Variants in TRMT9B observed in about 807,000 individuals in gnomAD.
TRMT9B encodes tRNA methyltransferase 9B (putative).
Under a neutral mutation model 11.5 loss-of-function variants are expected in TRMT9B, and 16 were observed. That is an observed-to-expected ratio of 1.39 (90% CI 0.94 to 2.11). The LOEUF is 2.11. Ranked by LOEUF, TRMT9B falls within the 30% of genes most tolerant of loss-of-function variation. The pLI, the probability that TRMT9B is intolerant of heterozygous loss-of-function variation, is 0.00. For missense variants in TRMT9B, 941 were observed against 553.8 expected (o/e 1.70, Z -7.02); for synonymous variants, 274 against 192.4 (o/e 1.42, Z -3.51).
In TRMT9B at chr8:12,990,835, G is replaced by C. The variant is rs904608513; in HGVS notation, c.-198G>C. ...TAGTATTTGTTTTCTTCCTGATAGGGCCTGTGCTTCCTTCAGAGACTCACA... is the reference window on the plus strand; with the variant it reads ...TAGTATTTGTTTTCTTCCTGATAGGCCCTGTGCTTCCTTCAGAGACTCACA... On this transcript the variant is annotated splice_region_variant and 5_prime_UTR_variant, in exon 2 of 5. Transcript: ENST00000524591. 1 of 1,288,698 alleles carries C rather than the reference G, an allele frequency of 7.8e-7. No homozygotes were observed. Among genetic ancestry groups the C allele is most frequent in the Non-Finnish European group, 1.0e-6 (1 of 987,908 alleles). 79.8% of individuals were successfully genotyped at this position (1,288,698 alleles called of 1,614,324 possible).
At chr8:12,948,015 C>T (rs4831850) in intron 1 of TRMT9B, among the ~76,000 whole-genome samples, 4,776 of 152,264 alleles carry the variant, frequency 0.031, 115 homozygotes, top group Middle Eastern at 0.061. Context: ...ACTGAGTTAA[C>T]TGAGAAAGGT....
chr8:13,008,878 G>A (rs1157956716), intron 3 of TRMT9B, among the ~76,000 whole-genome samples: 2 of 152,068 alleles, frequency 1.3e-5, no homozygotes, highest in African/African-American at 2.4e-5. Context: ...ACAGTTGCCC[G>A]CCACCACGCC....
At chr8:13,005,518 C>T (rs988195248) in intron 2 of TRMT9B, among the ~76,000 whole-genome samples, 5 of 152,106 alleles carry the variant, frequency 3.3e-5, no homozygotes, top group African/African-American at 1.2e-4. Context: ...CCTTGCATGC[C>T]TGTATCAAAA....
rs1339500724 is a variant in TRMT9B, at chr8:13,025,894, T to C, written c.*3850T>C. On this transcript the variant is annotated 3_prime_UTR_variant, in exon 5 of 5. Coordinates refer to ENST00000524591, the MANE Select transcript of TRMT9B (RefSeq NM_020844.3). ...GTCTTTTAAGTGACCATCAATTCAA[T>C]AGGCAAAAATTTGGAGTAATCCAGA... 1 of 166,754 alleles carries C rather than the reference T, an allele frequency of 6.0e-6. No homozygotes were observed. Among genetic ancestry groups the C allele is most frequent in the Non-Finnish European group, 1.5e-5 (1 of 68,116 alleles). The allele number at this position is 166,754 out of a possible 1,614,324, so 10.3% of individuals were successfully genotyped here.
chr8:13,014,864 C>T (rs1174845185), intron 4 of TRMT9B, among the ~76,000 whole-genome samples: 1 of 151,950 alleles, frequency 6.6e-6, no homozygotes, highest in East Asian at 1.9e-4. Flanking sequence ...AGTTCAAGAC[C>T]AGCCTGGCCA....
Position 13,023,878 on chromosome 8 carries a change from G to A in TRMT9B, c.*1834G>A, listed in dbSNP as rs117246518. 9.1e-3 allele frequency: 1,523 copies of A among 166,842 alleles called. 12 individuals carry two copies. The highest frequency in any genetic ancestry group is 0.012 in the Non-Finnish European group (788 of 68,076). The allele number at this position is 166,842 out of a possible 1,614,324, so 10.3% of individuals were successfully genotyped here. ...GATTGATGTTTATAACTCTCTTTTG[G>A]CTTCAAAATAAGATTGTGTTATCAC... On this transcript the variant is annotated 3_prime_UTR_variant, in exon 5 of 5. Transcript: ENST00000524591.
Position 13,012,744 on chromosome 8 carries a change from A to G in TRMT9B, c.215A>G (p.Tyr72Cys). 1 of 1,614,010 alleles carries G rather than the reference A, an allele frequency of 6.2e-7. No homozygotes were observed. The highest frequency in any genetic ancestry group is 8.5e-7 in the Non-Finnish European group (1 of 1,179,880). The change falls in exon 4 of 5, where the codon TAC becomes TGC. Residue 72 changes from tyrosine to cysteine, a missense_variant. By Grantham distance (194) the Tyr-to-Cys change is radical. Transcript: ENST00000524591. ...CAGGTACATACCGTGGGCTGTGACT[A>G]CTGTGGGCCACTGGTAGAGATTGCC... ...NSQVHTVGCD[Y>C]CGPLVEIARN... is the part of the protein sequence containing the mutation.
At chr8:12,995,229 A>G (rs555739572) in intron 2 of TRMT9B, among the ~76,000 whole-genome samples, 1 of 152,356 alleles carries the variant, frequency 6.6e-6, no homozygotes, top group Admixed American at 6.5e-5. Flanking sequence ...TAGTTTCTTA[A>G]CACAAAGCTT....
intron 3 of TRMT9B, among the ~76,000 whole-genome samples, chr8:13,007,937 AC>A (rs1810797508): frequency 6.6e-6 from 1 of 152,248 alleles, no homozygotes; most frequent in Non-Finnish European, 1.5e-5. Flanking sequence ...TGATACACAT[AC>A]AAAAAGAAAT....
intron 4 of TRMT9B, among the ~76,000 whole-genome samples, chr8:13,016,140 G>T (rs1193641399): frequency 7.2e-6 from 1 of 138,080 alleles, no homozygotes; most frequent in Non-Finnish European, 1.5e-5. Context: ...ATAAATATAA[G>T]GGACCCTGTA....
intron 2 of TRMT9B, among the ~76,000 whole-genome samples, chr8:13,005,507 G>A (rs769329380): frequency 3.3e-5 from 5 of 152,022 alleles, no homozygotes; most frequent in South Asian, 2.1e-4. Flanking sequence ...TGATTATTAC[G>A]CCTTGCATGC....
chr8:12,966,390 T>G (rs2128865928), intron 1 of TRMT9B, among the ~76,000 whole-genome samples: 1 of 152,278 alleles, frequency 6.6e-6, no homozygotes, highest in South Asian at 2.1e-4. Flanking sequence ...TATAATACTT[T>G]GTCGTCTTTA....
chr8:12,996,386 T>A (rs1563387023), intron 2 of TRMT9B, among the ~76,000 whole-genome samples: 1 of 152,250 alleles, frequency 6.6e-6, no homozygotes, highest in Admixed American at 6.5e-5. Flanking sequence ...GGTTACTGGA[T>A]AATCTGGCAT....
At chr8:12,946,744 G>A (rs939221893) in intron 1 of TRMT9B, among the ~76,000 whole-genome samples, 3 of 152,208 alleles carry the variant, frequency 2.0e-5, no homozygotes, top group African/African-American at 7.2e-5. Flanking sequence ...ACAGGTGCTT[G>A]AGAAATGATG....
At chr8:12,982,571 A>G (rs1199399053) in intron 1 of TRMT9B, among the ~76,000 whole-genome samples, 1 of 152,090 alleles carries the variant, frequency 6.6e-6, no homozygotes, top group Non-Finnish European at 1.5e-5. Flanking sequence ...CTGAGATGGG[A>G]ACATCACTGG....
intron 1 of TRMT9B, among the ~76,000 whole-genome samples, chr8:12,949,743 C>G (rs180727836): frequency 6.6e-6 from 1 of 152,186 alleles, no homozygotes; most frequent in African/African-American, 2.4e-5. Context: ...AAGCTTCTAT[C>G]AACATTTTCA....
At chr8:12,996,832 C>G (rs939025944) in intron 2 of TRMT9B, among the ~76,000 whole-genome samples, 1 of 152,164 alleles carries the variant, frequency 6.6e-6, no homozygotes, top group Admixed American at 6.5e-5. Context: ...ATCAGCACCC[C>G]AGGACCACCT....
intron 2 of TRMT9B, among the ~76,000 whole-genome samples, chr8:12,993,382 G>A (rs746122648): frequency 2.0e-5 from 3 of 152,208 alleles, no homozygotes; most frequent in Non-Finnish European, 4.4e-5. Context: ...AACCAGGAAT[G>A]GCACATGTGC....
At chr8:13,014,492 T>C (rs1261134934) in intron 4 of TRMT9B, among the ~76,000 whole-genome samples, 1 of 152,036 alleles carries the variant, frequency 6.6e-6, no homozygotes, top group Non-Finnish European at 1.5e-5. Context: ...ATGAGAGAGA[T>C]AGAGCAAGCT....
Sources: gnomAD v4.1 joint callset for allele counts (sites outside exome capture counted in the v4.1 genomes callset) on GRCh38, gnomAD v4.1.1 for gene constraint, MANE v1.5 for transcripts, NCBI Gene and HGNC (gene_info 2026-07-23, HGNC 2026-07-21) for gene names.